GOLPH3L: variants seen among roughly 807,000 people sequenced by gnomAD.
GOLPH3L encodes golgi phosphoprotein 3 like.
In GOLPH3L, 22 loss-of-function variants were observed where a neutral mutation model predicts 30.3. The observed-to-expected ratio is 0.73, with a 90% CI of 0.52 to 1.04. The LOEUF (loss-of-function observed/expected upper bound fraction) is 1.04, where lower values mean the gene tolerates loss of function less well. GOLPH3L is among the 50% of genes least tolerant of loss of function. The pLI, the probability that GOLPH3L is intolerant of heterozygous loss-of-function variation, is 0.00. For missense variants in GOLPH3L, 303 were observed against 345.8 expected (o/e 0.88, Z 0.98); for synonymous variants, 120 against 128.2 (o/e 0.94, Z 0.43).
chr1:150,692,891 A>C (rs1416270357), intron 2 of GOLPH3L, among the ~76,000 whole-genome samples: 1 of 152,262 alleles, frequency 6.6e-6, no homozygotes, highest in East Asian at 1.9e-4. Context: ...AAGCTAAAAC[A>C]AACCAAATAG....
At chr1:150,664,090 C>G (rs1650438366) in intron 2 of GOLPH3L, among the ~76,000 whole-genome samples, 1 of 152,030 alleles carries the variant, frequency 6.6e-6, no homozygotes, top group Non-Finnish European at 1.5e-5. Context: ...CCTTGACCTC[C>G]TGGGCTCAAG....
At chr1:150,683,429 G>T (rs1184900400) in intron 2 of GOLPH3L, among the ~76,000 whole-genome samples, 1 of 151,348 alleles carries the variant, frequency 6.6e-6, no homozygotes, top group African/African-American at 2.4e-5. Flanking sequence ...GCAGCTACCC[G>T]GGAGGCTGAG....
chr1:150,665,091 C>T (rs1441276276), intron 2 of GOLPH3L, among the ~76,000 whole-genome samples: 1 of 151,890 alleles, frequency 6.6e-6, no homozygotes, highest in Non-Finnish European at 1.5e-5. Context: ...TGTGCTAATA[C>T]TTATTATGTA....
chr1:150,660,307 C>A (rs1343984265), intron 4 of GOLPH3L, among the ~76,000 whole-genome samples: 1 of 151,828 alleles, frequency 6.6e-6, no homozygotes, highest in African/African-American at 2.4e-5. Flanking sequence ...AGCATGTGGA[C>A]AAATTGGAAC....
At chr1:150,668,468 C>T (rs1485087211) in intron 2 of GOLPH3L, among the ~76,000 whole-genome samples, 1 of 152,162 alleles carries the variant, frequency 6.6e-6, no homozygotes, top group Non-Finnish European at 1.5e-5. Flanking sequence ...CTGCAACCTC[C>T]ACCTCCCTGG....
At chr1:150,657,525 T>C (rs1396636737) in intron 4 of GOLPH3L, among the ~76,000 whole-genome samples, 1 of 152,222 alleles carries the variant, frequency 6.6e-6, no homozygotes, top group Non-Finnish European at 1.5e-5. Context: ...GAGACTAGCT[T>C]ATGTACACGT....
At position 150,694,698 on chromosome 1, in the gene GOLPH3L, A is replaced by G. The variant is rs1651304017; in HGVS notation, c.141T>C (p.Thr47=). The change falls in exon 2 of 5, where the codon ACT becomes ACC. Residue 47 remains threonine (T), a synonymous_variant. Transcript: ENST00000271732. ...DSGDSKDIRL[T]LMEEVLLLGL... is the part of the protein sequence containing the mutation. ...CCAGAAGCAATACTTCTTCCATAAG[A>G]GTAAGGCGGATATCCTTAGAGTCTC... 1 of 1,611,154 alleles carries G rather than the reference A, an allele frequency of 6.2e-7. No homozygotes were observed. The highest frequency in any genetic ancestry group is 8.5e-7 in the Non-Finnish European group (1 of 1,178,384).
intron 3 of GOLPH3L, among the ~76,000 whole-genome samples, chr1:150,662,284 G>A (rs1000492942): frequency 1.3e-5 from 2 of 151,938 alleles, no homozygotes; most frequent in Non-Finnish European, 2.9e-5. Flanking sequence ...GGCTGAGGCG[G>A]GTGGATCACC....
At chr1:150,666,205 C>T (rs757497404) in intron 2 of GOLPH3L, among the ~76,000 whole-genome samples, 42 of 152,282 alleles carry the variant, frequency 2.8e-4, no homozygotes, top group African/African-American at 1.0e-3. Flanking sequence ...ATTCTCAGCT[C>T]TTAGGTCTCT....
intron 2 of GOLPH3L, among the ~76,000 whole-genome samples, chr1:150,691,476 A>T (rs919681044): frequency 6.6e-6 from 1 of 152,174 alleles, no homozygotes; most frequent in African/African-American, 2.4e-5. Context: ...AGATGGTGCC[A>T]CTATACTCCA....
intron 2 of GOLPH3L, among the ~76,000 whole-genome samples, chr1:150,671,806 CAAA>C (rs397793655): frequency 2.1e-5 from 1 of 47,152 alleles, no homozygotes; most frequent in East Asian, 6.5e-4. Flanking sequence ...AACTCCGTCT[CAAA>C]AAAAAAAAAA....
chr1:150,652,980 T>C (rs1167358928), intron 4 of GOLPH3L, among the ~76,000 whole-genome samples: 2 of 151,852 alleles, frequency 1.3e-5, no homozygotes, highest in East Asian at 3.9e-4. Context: ...TTGTAACACA[T>C]AGAGATGTAA....
At chr1:150,657,317 T>A (rs1253399121) in intron 4 of GOLPH3L, among the ~76,000 whole-genome samples, 1 of 152,236 alleles carries the variant, frequency 6.6e-6, no homozygotes, top group Non-Finnish European at 1.5e-5. Context: ...CTAAACACTT[T>A]CGCAATTTAA....
chr1:150,687,683 TGGAG>T (rs1271876098), intron 2 of GOLPH3L, among the ~76,000 whole-genome samples: 1 of 152,192 alleles, frequency 6.6e-6, no homozygotes, highest in African/African-American at 2.4e-5. Context: ...CTATACTTGA[TGGAG>T]GATCATCAGC....
At chr1:150,687,145 G>C (rs587765289) in intron 2 of GOLPH3L, among the ~76,000 whole-genome samples, 11 of 151,950 alleles carry the variant, frequency 7.2e-5, no homozygotes, top group Non-Finnish European at 1.3e-4. Flanking sequence ...ACAAGGTCTT[G>C]TTCTTTGCTC....
rs1650848235 is a variant in GOLPH3L, at chr1:150,677,768, G to A, written c.184-14005C>T. Among the ~76,000 whole-genome samples, 5 of 151,584 alleles carry A rather than the reference G, an allele frequency of 3.3e-5. No homozygotes were observed. In the South Asian group the frequency reaches 1.0e-3, roughly 32 times the overall value. On this transcript the variant is annotated intron_variant, in intron 2 of 4. Coordinates refer to ENST00000271732, the MANE Select transcript of GOLPH3L (RefSeq NM_018178.6). The stretch of plus-strand genomic sequence containing the variant: ...AGCCTCCTAAGTGGATGGAACTACG[G>A]GCACATGCCACCATGCCCATTTAAT...
chr1:150,679,931 CCT>C (rs1008447735), intron 2 of GOLPH3L, among the ~76,000 whole-genome samples: 34 of 152,062 alleles, frequency 2.2e-4, no homozygotes, highest in African/African-American at 6.3e-4. Flanking sequence ...ACAGTGAAAC[CCT>C]GTCTCTATTT....
intron 1 of GOLPH3L, among the ~76,000 whole-genome samples, chr1:150,695,787 A>C (rs1651338660): frequency 6.6e-6 from 1 of 152,210 alleles, no homozygotes; most frequent in African/African-American, 2.4e-5. Flanking sequence ...GTAATTCCAC[A>C]GTCAGTAAAC....
Position 150,647,972 on chromosome 1 carries a change from C to T in GOLPH3L, c.*349G>A. ...ATATAATAGATAGTTCACTTTTTATCTCATTCACATTCTATAGCTGGAGAA... is the reference window on the plus strand; with the variant it reads ...ATATAATAGATAGTTCACTTTTTATTTCATTCACATTCTATAGCTGGAGAA... On this transcript the variant is annotated 3_prime_UTR_variant, in exon 5 of 5. Transcript: ENST00000271732. 4.7e-6 allele frequency: 1 copy of T among 210,904 alleles called. No individual in the cohort carries two copies. The highest frequency in any genetic ancestry group is 9.4e-6 in the Non-Finnish European group (1 of 106,452). 13.1% of individuals were successfully genotyped at this position (210,904 alleles called of 1,614,324 possible).
Sources: allele counts gnomAD v4.1 joint callset (sites outside exome capture counted in the v4.1 genomes callset), GRCh38; gene constraint gnomAD v4.1.1; transcripts MANE v1.5; gene names NCBI Gene and HGNC (gene_info 2026-07-23, HGNC 2026-07-21).